Variants in MAP4K4 observed in about 807,000 individuals in gnomAD.
MAP4K4 encodes mitogen-activated protein kinase kinase kinase kinase 4, also known as HPK/GCK-like kinase HGK.
In MAP4K4, 38 loss-of-function variants were observed where a neutral mutation model predicts 189.6. That is an observed-to-expected ratio of 0.20 (90% CI 0.15 to 0.26). The LOEUF is 0.26. Among genes scored for constraint, MAP4K4 ranks in the 10% least tolerant of loss-of-function variants. The pLI is 1.00. For synonymous variants in MAP4K4, 610 were observed against 624.3 expected (o/e 0.98, Z 0.34); for missense variants, 1,054 against 1,726.9 (o/e 0.61, Z 6.91).
At chr2:101,719,869 G>A (rs547368243) in intron 2 of MAP4K4, among the ~76,000 whole-genome samples, 545 of 151,868 alleles carry the variant, frequency 3.6e-3, no homozygotes, top group Middle Eastern at 6.8e-3. Context: ...AAAATTAGCC[G>A]GGCGTGGTGG....
chr2:101,716,534 G>A (rs1426799079), intron 2 of MAP4K4, among the ~76,000 whole-genome samples: 4 of 151,942 alleles, frequency 2.6e-5, no homozygotes, highest in Non-Finnish European at 4.4e-5. Flanking sequence ...GATACAGTTC[G>A]TGTTTTCATG....
rs185344488 is a variant in MAP4K4 at position 101,859,915 on chromosome 2, G to A, written c.1704+51G>A. The A allele has an allele frequency of 6.9e-4, 1,040 of 1,514,216 alleles. 4 individuals are homozygous for A. In the African/African-American group the frequency reaches 0.013, roughly 18 times the overall value. 93.8% of individuals were successfully genotyped at this position (1,514,216 alleles called of 1,614,324 possible). ...ACATTGCCCTGGAAAGTCGTATAAC[G>A]ACTCTTCAGAACTGTGTCATATGAG... On this transcript the variant is annotated intron_variant, in intron 15 of 32. Transcript: ENST00000324219.
chr2:101,791,008 C>T (rs1438476579), intron 3 of MAP4K4, among the ~76,000 whole-genome samples: 1 of 152,154 alleles, frequency 6.6e-6, no homozygotes, highest in Admixed American at 6.6e-5. Context: ...TGCACACACA[C>T]ATCTGAGTGA....
intron 2 of MAP4K4, among the ~76,000 whole-genome samples, chr2:101,731,656 T>A (rs2058554623): frequency 6.7e-6 from 1 of 149,660 alleles, no homozygotes; most frequent in African/African-American, 2.5e-5. Flanking sequence ...GGGACTGAGG[T>A]GGGAGGATAG....
chr2:101,857,279 T>C (rs1576871825), intron 13 of MAP4K4, among the ~76,000 whole-genome samples: 1 of 152,226 alleles, frequency 6.6e-6, no homozygotes, highest in East Asian at 1.9e-4. Context: ...TATTCTGTTT[T>C]TCCCTGTTCT....
intron 3 of MAP4K4, chr2:101,797,241 G>C (rs1167951704): frequency 7.7e-7 from 1 of 1,290,564 alleles, no homozygotes; most frequent in Non-Finnish European, 1.0e-6. Flanking sequence ...GTTCTATTCT[G>C]TTATTCCTCA....
At chr2:101,831,649 G>GT (rs371189063) in intron 6 of MAP4K4, 72 bp from the exon 7 acceptor site, 4 of 1,498,476 alleles carry the variant, frequency 2.7e-6, no homozygotes, top group Admixed American at 2.0e-5. Flanking sequence ...TCCTCCTTGT[G>GT]TTTTTTCCCA....
intron 24 of MAP4K4, among the ~76,000 whole-genome samples, chr2:101,872,180 G>T (rs1399992131): frequency 1.6e-4 from 24 of 151,330 alleles, no homozygotes; most frequent in East Asian, 7.7e-4. Context: ...TTCTTGTTTG[G>T]GGGGTGGGTT....
At chr2:101,776,379 C>T (rs759143247) in intron 2 of MAP4K4, among the ~76,000 whole-genome samples, 36 of 152,208 alleles carry the variant, frequency 2.4e-4, no homozygotes, top group Admixed American at 7.8e-4. Flanking sequence ...CCTGTAGGGA[C>T]GCTGGAGAGC....
At chr2:101,806,056 A>C (rs1387708228) in intron 3 of MAP4K4, among the ~76,000 whole-genome samples, 1 of 151,944 alleles carries the variant, frequency 6.6e-6, no homozygotes, top group Admixed American at 6.6e-5. Context: ...GCCCCACCCC[A>C]CCCACCATAC....
chr2:101,863,039 C>A (rs942490244), intron 16 of MAP4K4, among the ~76,000 whole-genome samples: 6 of 152,084 alleles, frequency 3.9e-5, no homozygotes, highest in African/African-American at 1.4e-4. Context: ...GATCATTTTC[C>A]CAATTTAGAA....
chr2:101,781,435 G>A (rs2087382324), intron 2 of MAP4K4, among the ~76,000 whole-genome samples: 1 of 152,138 alleles, frequency 6.6e-6, no homozygotes, highest in Non-Finnish European at 1.5e-5. Flanking sequence ...GAATTTATTG[G>A]CTCATGACTC....
chr2:101,769,329 A>G (rs1194567665), intron 2 of MAP4K4, among the ~76,000 whole-genome samples: 1 of 152,162 alleles, frequency 6.6e-6, no homozygotes, highest in Non-Finnish European at 1.5e-5. Context: ...TCAGCAAGGT[A>G]AGGTCCCTGG....
chr2:101,841,703 G>A (rs567812063), intron 10 of MAP4K4, among the ~76,000 whole-genome samples: 4 of 152,058 alleles, frequency 2.6e-5, no homozygotes, highest in Non-Finnish European at 4.4e-5. Flanking sequence ...CCCTGATCTC[G>A]TGATCTGCCC....
intron 2 of MAP4K4, among the ~76,000 whole-genome samples, chr2:101,699,603 T>TG (rs911219029): frequency 1.3e-5 from 2 of 152,014 alleles, no homozygotes; most frequent in East Asian, 1.9e-4. Context: ...TGGGTGGAGT[T>TG]GGGGGGGTTG....
At chr2:101,855,004 G>T (rs1213356063) in intron 12 of MAP4K4, among the ~76,000 whole-genome samples, 1 of 152,206 alleles carries the variant, frequency 6.6e-6, no homozygotes, top group Non-Finnish European at 1.5e-5. Flanking sequence ...ACGGAGCAGT[G>T]CAGAGACAGA....
intron 3 of MAP4K4, among the ~76,000 whole-genome samples, chr2:101,809,175 C>T (rs1011081397): frequency 6.6e-6 from 1 of 152,190 alleles, no homozygotes; most frequent in African/African-American, 2.4e-5. Context: ...TCATGGTACA[C>T]CTCTACAACT....
chr2:101,774,968 CTTATT>C (rs796065482), intron 2 of MAP4K4, among the ~76,000 whole-genome samples: 5 of 151,382 alleles, frequency 3.3e-5, no homozygotes, highest in African/African-American at 1.2e-4. Context: ...GGTCGTCTTG[CTTATT>C]TTATCACTTC....
chr2:101,700,770 C>T, intron 2 of MAP4K4, among the ~76,000 whole-genome samples: 1 of 148,348 alleles, frequency 6.7e-6, no homozygotes, highest in East Asian at 2.0e-4. Context: ...TCTCATACAT[C>T]AGTAAAATGT....
Sources: allele counts gnomAD v4.1 joint callset (sites outside exome capture counted in the v4.1 genomes callset), GRCh38; gene constraint gnomAD v4.1.1; transcripts MANE v1.5; gene names NCBI Gene and HGNC (gene_info 2026-07-23, HGNC 2026-07-21).